Variants in MACROH2A1 observed in about 807,000 individuals in gnomAD.
The protein encoded by MACROH2A1 is core histone macro-H2A.1.
Under a neutral mutation model 31.6 loss-of-function variants are expected in MACROH2A1, and 2 were observed. That is an observed-to-expected ratio of 0.06 (90% confidence interval 0.03 to 0.20). The LOEUF is 0.20. Ranked by LOEUF, MACROH2A1 falls within the 10% of genes least tolerant of loss-of-function variation. The probability of loss-of-function intolerance (pLI) is 1.00; values close to 1 mark genes in which losing one functional copy is unlikely to be tolerated. For synonymous variants in MACROH2A1, 169 were observed against 189.6 expected (o/e 0.89, Z 0.89); for missense variants, 230 against 474.0 (o/e 0.49, Z 4.78).
intron 8 of MACROH2A1, among the ~76,000 whole-genome samples, chr5:135,339,955 G>C (rs1321650483): frequency 6.6e-6 from 1 of 152,226 alleles, no homozygotes; most frequent in Non-Finnish European, 1.5e-5. Flanking sequence ...TTGAGTTTCT[G>C]TCCTTTTATC....
rs573995721 is a variant in MACROH2A1 at position 135,365,807 on chromosome 5, C to T, written c.477+3599G>A. Reference sequence around the variant, plus strand: ...CTATACATTTACTTGCATGTGAGGACAGAGATCCACAAACAATGACAGTTA... The same window carrying T: ...CTATACATTTACTTGCATGTGAGGATAGAGATCCACAAACAATGACAGTTA... On this transcript the variant is annotated intron_variant, in intron 4 of 8. Coordinates refer to ENST00000511689, the MANE Select transcript of MACROH2A1 (RefSeq NM_138610.3). Among the ~76,000 whole-genome samples the T allele has an allele frequency of 2.6e-5, 4 of 152,332 alleles. No individual in the cohort carries two copies. The South Asian group carries it at 8.3e-4, about 32-fold the overall frequency.
chr5:135,336,931 G>A lies in MACROH2A1; in HGVS notation c.954-1790C>T, dbSNP rs557466261. 3.9e-5 allele frequency among the ~76,000 whole-genome samples: 6 copies of A among 152,358 alleles called. No individual in the cohort carries two copies. The South Asian group carries it at 1.2e-3, about 32-fold the overall frequency. On this transcript the variant is annotated intron_variant, in intron 8 of 8. Coordinates refer to ENST00000511689, the MANE Select transcript of MACROH2A1 (RefSeq NM_138610.3). ...CAGGCTGCTTCTAACTGTGGGCTGG[G>A]ATCCTCGGTCCTGTTGCAGCCTGTA...
chr5:135,343,288 T>C lies in MACROH2A1; in HGVS notation c.925A>G (p.Ile309Val). ...ALADDKKLKS[I>V]AFPSIGSGRN... is the part of the protein sequence containing the mutation. ...CCGCTGCCGATGGATGGAAATGCAATGGATTTCAGCTTCTTATCATCAGCC... is the reference window on the plus strand; with the variant it reads ...CCGCTGCCGATGGATGGAAATGCAACGGATTTCAGCTTCTTATCATCAGCC... The change falls in exon 8 of 9, where the codon ATT becomes GTT. Residue 309 changes from isoleucine (I) to valine (V), a missense_variant. Ile to Val is a conservative substitution (Grantham distance 29). This residue lies in a region of MACROH2A1 where 183 missense variants were observed against 319.3 expected (regional missense o/e 0.57). Coordinates refer to ENST00000511689, the MANE Select transcript of MACROH2A1 (RefSeq NM_138610.3). 1 of 1,614,142 alleles carries C rather than the reference T, an allele frequency of 6.2e-7. No individual in the cohort carries two copies. Among genetic ancestry groups the C allele is most frequent in the Non-Finnish European group, 8.5e-7 (1 of 1,180,040 alleles).
At chr5:135,339,159 A>G (rs1170856891) in intron 8 of MACROH2A1, among the ~76,000 whole-genome samples, 2 of 152,190 alleles carry the variant, frequency 1.3e-5, no homozygotes, top group South Asian at 4.1e-4. Context: ...GAGACATCTG[A>G]GCTTTCCCTA....
chr5:135,335,663 AG>A (rs1472561822), intron 8 of MACROH2A1, among the ~76,000 whole-genome samples: 1 of 152,232 alleles, frequency 6.6e-6, no homozygotes, highest in East Asian at 1.9e-4. Context: ...CCCAGAGGCC[AG>A]AACGCAGGGA....
At chr5:135,376,590 G>A (rs557642479) in intron 2 of MACROH2A1, among the ~76,000 whole-genome samples, 46 of 152,116 alleles carry the variant, frequency 3.0e-4, no homozygotes, top group Non-Finnish European at 5.9e-4. Context: ...GGCAGCAATC[G>A]CAAATGGCAC....
intron 5 of MACROH2A1, chr5:135,359,005 G>A: frequency 1.0e-6 from 1 of 985,248 alleles, no homozygotes; most frequent in Non-Finnish European, 1.2e-6. Flanking sequence ...ATTTCTTTCA[G>A]AAGATCACAG....
At chr5:135,351,684 T>C (rs1317372977) in intron 6 of MACROH2A1, 1 of 149,020 alleles carries the variant, frequency 6.7e-6, no homozygotes, top group Non-Finnish European at 1.5e-5. Context: ...TGCCTCAGCC[T>C]CCTGAGTAGC....
chr5:135,364,073 G>A (rs1763185341), intron 4 of MACROH2A1, among the ~76,000 whole-genome samples: 3 of 152,282 alleles, frequency 2.0e-5, no homozygotes, highest in African/African-American at 7.2e-5. Context: ...TTAGCCCTTT[G>A]TCAGATGGCC....
intron 2 of MACROH2A1, among the ~76,000 whole-genome samples, chr5:135,370,955 G>A (rs956226992): frequency 4.6e-5 from 7 of 152,180 alleles, no homozygotes; most frequent in Admixed American, 1.3e-4. Context: ...ATGTATTTAG[G>A]GGTGAAGCAT....
chr5:135,345,939 A>G, intron 7 of MACROH2A1, 29 bp downstream of exon 7: 2 of 1,467,654 alleles, frequency 1.4e-6, no homozygotes, highest in Non-Finnish European at 1.9e-6. Context: ...TGTCACAACC[A>G]GATAAGCACG....
intron 1 of MACROH2A1, among the ~76,000 whole-genome samples, chr5:135,397,537 A>G (rs772320470): frequency 1.6e-4 from 24 of 152,224 alleles, no homozygotes; most frequent in Non-Finnish European, 3.2e-4. Context: ...AAGCCAAAGA[A>G]CAGACTGGAA....
At chr5:135,381,424 TTAAAA>T (rs1463573546) in intron 2 of MACROH2A1, among the ~76,000 whole-genome samples, 2 of 151,982 alleles carry the variant, frequency 1.3e-5, no homozygotes, top group Non-Finnish European at 2.9e-5. Flanking sequence ...TAAATAAAAC[TTAAAA>T]TGAAGAGAAA....
At chr5:135,368,046 T>C (rs1763737120) in intron 4 of MACROH2A1, among the ~76,000 whole-genome samples, 2 of 152,190 alleles carry the variant, frequency 1.3e-5, no homozygotes, top group South Asian at 2.1e-4. Flanking sequence ...AAATAACTTA[T>C]AGGACACTCC....
Position 135,398,174 on chromosome 5 carries a change from C to T in MACROH2A1, c.-34+888G>A, listed in dbSNP as rs1768279447. On this transcript the variant is annotated intron_variant, in intron 1 of 8. Transcript: ENST00000511689. The surrounding 1 kb of genome is among the most constrained non-coding windows in gnomAD (Gnocchi z 4.6). ...TTTCAAGCAATGTACTGACCAACTC[C>T]TTGAGTGATCTGTGGCCCCTGCAGG... Among the ~76,000 whole-genome samples, 1 of 152,118 alleles carries T rather than the reference C, an allele frequency of 6.6e-6. No individual in the cohort carries two copies. The highest frequency in any genetic ancestry group is 6.5e-5 in the Admixed American group (1 of 15,282).
intron 1 of MACROH2A1, among the ~76,000 whole-genome samples, chr5:135,389,450 CTG>C (rs1443642827): frequency 6.6e-6 from 1 of 152,192 alleles, no homozygotes; most frequent in Non-Finnish European, 1.5e-5. Context: ...ACACTTGAGA[CTG>C]GGGCTGATAA....
chr5:135,343,290 G>C lies in MACROH2A1; in HGVS notation c.923C>G (p.Ser308Cys). ...LALADDKKLK[S>C]IAFPSIGSGR... ...GCTGCCGATGGATGGAAATGCAATG[G>C]ATTTCAGCTTCTTATCATCAGCCAG... is the stretch of plus-strand genomic sequence containing the variant. Residue 308 changes from serine to cysteine, a missense_variant, in exon 8 of 9, where the codon TCC becomes TGC. Ser to Cys is a moderately radical substitution (Grantham distance 112). Around this residue, in one of 2 missense-constraint regions of MACROH2A1, gnomAD observed 183 missense variants for 319.3 expected, o/e 0.57. Coordinates refer to ENST00000511689, the MANE Select transcript of MACROH2A1 (RefSeq NM_138610.3). The C allele has an allele frequency of 6.2e-7, 1 of 1,614,192 alleles. No individual in the cohort carries two copies. The highest frequency in any genetic ancestry group is 8.5e-7 in the Non-Finnish European group (1 of 1,180,042).
At chr5:135,374,636 A>C (rs1561638131) in intron 2 of MACROH2A1, among the ~76,000 whole-genome samples, 1 of 152,178 alleles carries the variant, frequency 6.6e-6, no homozygotes, top group Non-Finnish European at 1.5e-5. Context: ...CTTGCACTCA[A>C]TTCATTTCAT....
At chr5:135,393,437 C>T (rs1176011358) in intron 1 of MACROH2A1, among the ~76,000 whole-genome samples, 1 of 152,204 alleles carries the variant, frequency 6.6e-6, no homozygotes, top group African/African-American at 2.4e-5. Flanking sequence ...AACGCTGACC[C>T]TAACCCCAGA....
Sources: allele counts gnomAD v4.1 joint callset (sites outside exome capture counted in the v4.1 genomes callset), GRCh38; gene constraint gnomAD v4.1.1; regional missense constraint gnomAD v4.1.1; non-coding constraint Gnocchi (gnomAD v3.1); transcripts MANE v1.5; gene names NCBI Gene and HGNC (gene_info 2026-07-23, HGNC 2026-07-21).